Variants in PROK2 observed in about 807,000 individuals in gnomAD.
PROK2 encodes prokineticin-2.
PROK2 carries 8 observed loss-of-function variants against 14.2 expected under a neutral mutation model. The ratio of observed to expected loss-of-function variants is 0.56; its 90% CI spans 0.33 to 1.02. The LOEUF is 1.02. Ranked by LOEUF, PROK2 falls within the 50% of genes least tolerant of loss-of-function variation. The pLI, the probability that PROK2 is intolerant of heterozygous loss-of-function variation, is 0.03. For synonymous variants in PROK2, 59 were observed against 60.7 expected, an observed-to-expected ratio of 0.97 and a Z score of 0.13; for missense variants, 154 against 160.4, an observed-to-expected ratio of 0.96 and a Z score of 0.22.
chr3:71,781,126 T>G (rs1022719762), intron 2 of PROK2, among the ~76,000 whole-genome samples: 1 of 152,260 alleles, frequency 6.6e-6, no homozygotes, highest in African/African-American at 2.4e-5. Context: ...TAAGAACTTC[T>G]ATACTCAGAT....
At chr3:71,779,566 T>G (rs1228625360) in intron 2 of PROK2, among the ~76,000 whole-genome samples, 1 of 152,204 alleles carries the variant, frequency 6.6e-6, no homozygotes, top group Non-Finnish European at 1.5e-5. Context: ...TTCTAGCATC[T>G]AGGGCATGTG....
chr3:71,781,714 A>G (rs1261174065), intron 1 of PROK2, 122 bp from the exon 2 acceptor site: 3 of 1,047,464 alleles, frequency 2.9e-6, no homozygotes, highest in African/African-American at 3.2e-5. Flanking sequence ...ATAATCAGGT[A>G]TATTTTTTAA....
Position 71,781,586 on chromosome 3 carries a change from C to G in PROK2, c.103G>C (p.Asp35His), listed in dbSNP as rs2050160973. The G allele has an allele frequency of 1.9e-6, 3 of 1,611,428 alleles. No homozygotes were observed. In the East Asian group the frequency reaches 6.7e-5, roughly 36 times the overall value. Residue 35 changes from aspartate (D) to histidine (H), a missense_variant, in exon 2 of 4, where the codon GAC (aspartate) becomes CAC (histidine). Physicochemically the swap from Asp to His is moderately conservative, Grantham distance 81. Transcript: ENST00000295619. ...GDAAVITGAC[D>H]KDSQCGGGMC... ...CCTCCACCACATTGGGAGTCCTTGT[C>G]ACAAGCCTGAAATGTAATAAACAAA...
chr3:71,772,441 C>A lies in PROK2; in HGVS notation c.*283G>T. On this transcript the variant is annotated 3_prime_UTR_variant, in exon 4 of 4. Transcript: ENST00000295619. ...TTCCTCATTTTTGTGAAAATGGGTA[C>A]GTTTTTGACATTTAAGAAAAAAGCC... 4 of 342,798 alleles carry A rather than the reference C, an allele frequency of 1.2e-5. No homozygotes were observed. In the South Asian group the frequency reaches 1.6e-4, roughly 14 times the overall value. The allele number at this position is 342,798 out of a possible 1,614,324, so 21.2% of individuals were successfully genotyped here. A position where few individuals can be genotyped will look rare whatever the true frequency, so the allele number is the denominator to read the frequency against.
intron 3 of PROK2, among the ~76,000 whole-genome samples, chr3:71,773,838 G>T (rs771030501): frequency 1.3e-5 from 2 of 152,226 alleles, no homozygotes; most frequent in African/African-American, 2.4e-5. Context: ...AGCGAGCATG[G>T]TGGTTGTCTG....
rs1445664154 is a variant in PROK2 at position 71,783,646 on chromosome 3, G to A, written c.96+1311C>T. Among the ~76,000 whole-genome samples, 3 of 152,164 alleles carry A rather than the reference G, an allele frequency of 2.0e-5. No homozygotes were observed. The South Asian group carries it at 6.2e-4, about 32-fold the overall frequency. ...CAAAAAGATACTTATATTGCAAAGG[G>A]ATCTTGGGCTCAGAGGATTAGGAGA... On this transcript the variant is annotated intron_variant, in intron 1 of 3. Coordinates refer to ENST00000295619, the MANE Select transcript of PROK2 (RefSeq NM_001126128.2).
At chr3:71,778,988 T>A (rs375378495) in intron 2 of PROK2, among the ~76,000 whole-genome samples, 88 of 152,376 alleles carry the variant, frequency 5.8e-4, no homozygotes, top group African/African-American at 1.9e-3. Context: ...CAAAGAGATG[T>A]AGCCAGGCTT....
At chr3:71,781,365 A>G in intron 2 of PROK2, 102 bp downstream of exon 2, 1 of 1,451,994 alleles carries the variant, frequency 6.9e-7, no homozygotes, top group Non-Finnish European at 9.7e-7. Context: ...TCCAATATTC[A>G]TTTTGTTTGT....
rs966463164 is a variant in PROK2, at chr3:71,771,734, C to T, written c.*990G>A. On this transcript the variant is annotated 3_prime_UTR_variant, in exon 4 of 4. Coordinates refer to ENST00000295619, the MANE Select transcript of PROK2 (RefSeq NM_001126128.2). ...ATTATTCTGATACAGAATTTTTACA[C>T]AGCAATACTGATACAGGTACAAACG... 6.6e-6 allele frequency: 1 copy of T among 152,612 alleles called. No homozygotes were observed. Among genetic ancestry groups the T allele is most frequent in the Admixed American group, 6.5e-5 (1 of 15,272 alleles). 9.5% of individuals were successfully genotyped at this position (152,612 alleles called of 1,614,324 possible). A position where few individuals can be genotyped will look rare whatever the true frequency, so the allele number is the denominator to read the frequency against.
At chr3:71,783,180 T>C (rs2050172414) in intron 1 of PROK2, among the ~76,000 whole-genome samples, 1 of 152,210 alleles carries the variant, frequency 6.6e-6, no homozygotes, top group Non-Finnish European at 1.5e-5. Context: ...ATGAGCTTTT[T>C]TTTATGAACC....
At chr3:71,783,083 C>G (rs1386872670) in intron 1 of PROK2, among the ~76,000 whole-genome samples, 1 of 152,166 alleles carries the variant, frequency 6.6e-6, no homozygotes, top group South Asian at 2.1e-4. Context: ...CCTACATACA[C>G]TACCCAAAAA....
chr3:71,773,488 C>CCTTTTA (rs1479569169), intron 3 of PROK2, among the ~76,000 whole-genome samples: 2 of 152,282 alleles, frequency 1.3e-5, no homozygotes, highest in Middle Eastern at 3.4e-3. Context: ...AGCTGTACGG[C>CCTTTTA]CTTTTACTTT....
rs2050087463 is a variant in PROK2, at chr3:71,772,550, C to A, written c.*174G>T. On this transcript the variant is annotated 3_prime_UTR_variant, in exon 4 of 4. Transcript: ENST00000295619. ...CATATTTCTATCCAAAAGTAAAATT[C>A]TCTTTCGATAAAAAAAAAAAAAAAT... is the stretch of plus-strand genomic sequence containing the variant. 3 of 638,012 alleles carry A rather than the reference C, an allele frequency of 4.7e-6. No individual in the cohort carries two copies. Among genetic ancestry groups the A allele is most frequent in the Non-Finnish European group, 8.2e-6 (3 of 366,604 alleles). The allele number at this position is 638,012 out of a possible 1,614,324, so 39.5% of individuals were successfully genotyped here. A position where few individuals can be genotyped will look rare whatever the true frequency, so the allele number is the denominator to read the frequency against.
chr3:71,775,755 A>G lies in PROK2; in HGVS notation c.223-1248T>C, dbSNP rs749178376. On this transcript the variant is annotated intron_variant, in intron 2 of 3. Transcript: ENST00000295619. ...TTTGCTCTCTTCTCAAACACCACCA[A>G]GCCCAGACTCCAGACTCTCTAAAGG... is the stretch of plus-strand genomic sequence containing the variant. Among the ~76,000 whole-genome samples, 4 of 152,144 alleles carry G rather than the reference A, an allele frequency of 2.6e-5. No homozygotes were observed. The East Asian group carries it at 7.7e-4, about 29-fold the overall frequency.
At chr3:71,778,532 A>T (rs959511617) in intron 2 of PROK2, among the ~76,000 whole-genome samples, 1 of 152,178 alleles carries the variant, frequency 6.6e-6, no homozygotes, top group Non-Finnish European at 1.5e-5. Context: ...ACTTGACCCA[A>T]ATAAACGGAT....
chr3:71,772,381 A>T lies in PROK2; in HGVS notation c.*343T>A. The stretch of plus-strand genomic sequence containing the variant: ...GGCTTGGGGTGGTGAGAAAAAAAAA[A>T]AAAAGTTTTTCTAACAAAATATCAA... On this transcript the variant is annotated 3_prime_UTR_variant, in exon 4 of 4. Coordinates refer to ENST00000295619, the MANE Select transcript of PROK2 (RefSeq NM_001126128.2). The T allele has an allele frequency of 3.9e-6, 1 of 256,786 alleles. No homozygotes were observed. The highest frequency in any genetic ancestry group is 4.8e-5 in the South Asian group (1 of 20,846). The allele number at this position is 256,786 out of a possible 1,614,324, so 15.9% of individuals were successfully genotyped here. A position where few individuals can be genotyped will look rare whatever the true frequency, so the allele number is the denominator to read the frequency against.
At chr3:71,772,946 C>A (rs971300048) in intron 3 of PROK2, 118 bp from the exon 4 acceptor site, 2 of 801,424 alleles carry the variant, frequency 2.5e-6, no homozygotes, top group African/African-American at 1.7e-5. Context: ...CGTTAACTAC[C>A]CATTAGGCAA....
At position 71,772,140 on chromosome 3, in the gene PROK2, A is replaced by G. The variant is rs940000407; in HGVS notation, c.*584T>C. 1 of 157,908 alleles carries G rather than the reference A, an allele frequency of 6.3e-6. No homozygotes were observed. The highest frequency in any genetic ancestry group is 2.4e-5 in the African/African-American group (1 of 41,440). The allele number at this position is 157,908 out of a possible 1,614,324, so 9.8% of individuals were successfully genotyped here. A position where few individuals can be genotyped will look rare whatever the true frequency, so the allele number is the denominator to read the frequency against. On this transcript the variant is annotated 3_prime_UTR_variant, in exon 4 of 4. Coordinates refer to ENST00000295619, the MANE Select transcript of PROK2 (RefSeq NM_001126128.2). Reference sequence around the variant, plus strand: ...AGTTTGGAGTGTCAAGTTCACATATACACTCTTTTCACTATTTAAATGCCA... The same window carrying G: ...AGTTTGGAGTGTCAAGTTCACATATGCACTCTTTTCACTATTTAAATGCCA...
chr3:71,780,188 A>G (rs999322965), intron 2 of PROK2, among the ~76,000 whole-genome samples: 1 of 152,242 alleles, frequency 6.6e-6, no homozygotes. Context: ...GATGGTTTAA[A>G]TGTAACAGGA....
Sources: gnomAD v4.1 joint callset for allele counts (sites outside exome capture counted in the v4.1 genomes callset) on GRCh38, gnomAD v4.1.1 for gene constraint, MANE v1.5 for transcripts, NCBI Gene and HGNC (gene_info 2026-07-23, HGNC 2026-07-21) for gene names.